Variants in CMIP observed in about 807,000 individuals in gnomAD.
The protein encoded by CMIP is C-Maf-inducing protein.
A neutral mutation model predicts 97.3 loss-of-function variants in CMIP; 13 were observed. That is an observed-to-expected ratio of 0.13 (90% CI 0.09 to 0.21). The LOEUF is 0.21. Among genes scored for constraint, CMIP ranks in the 10% least tolerant of loss-of-function variants. The probability of loss-of-function intolerance (pLI) is 1.00; values close to 1 mark genes in which losing one functional copy is unlikely to be tolerated. For missense variants in CMIP, 847 were observed against 1,024.9 expected (o/e 0.83, Z 2.37); for synonymous variants, 538 against 436.3 (o/e 1.23, Z -2.91).
At chr16:81,539,218 C>T (rs546442436) in intron 1 of CMIP, among the ~76,000 whole-genome samples, 17 of 152,148 alleles carry the variant, frequency 1.1e-4, no homozygotes, top group African/African-American at 2.9e-4. Context: ...TTTTCCAGGC[C>T]GGCATCTCAA....
intron 7 of CMIP, among the ~76,000 whole-genome samples, chr16:81,669,623 C>G (rs867735825): frequency 1.4e-5 from 2 of 147,614 alleles, no homozygotes; most frequent in Middle Eastern, 3.5e-3. Context: ...CCGCACCAAC[C>G]TCTCACCTCC....
rs116533172 is a variant in CMIP at position 81,599,323 on chromosome 16, C to T, written c.301-8244C>T. ...TTTCTTCTGGGACCAAGGCCCAAAC[C>T]GGCCCTTCTAGGATCATATCGTTAC... On this transcript the variant is annotated intron_variant, in intron 1 of 20. Coordinates refer to ENST00000537098, the MANE Select transcript of CMIP (RefSeq NM_198390.3). 9.9e-3 allele frequency among the ~76,000 whole-genome samples: 1,514 copies of T among 152,282 alleles called. 29 individuals carry two copies. Among genetic ancestry groups the T allele is most frequent in the African/African-American group, 0.034 (1,417 of 41,556 alleles).
chr16:81,544,135 C>T (rs942983280), intron 1 of CMIP, among the ~76,000 whole-genome samples: 8 of 152,334 alleles, frequency 5.3e-5, no homozygotes, highest in Non-Finnish European at 1.0e-4. Flanking sequence ...CAGGGGTCCC[C>T]CCGCCCCAAT....
intron 1 of CMIP, among the ~76,000 whole-genome samples, chr16:81,534,305 G>GGTT (rs1361300014): frequency 6.6e-6 from 1 of 152,132 alleles, no homozygotes; most frequent in Non-Finnish European, 1.5e-5. Flanking sequence ...TCATTTTATG[G>GGTT]GTTTGTTGAC....
intron 1 of CMIP, among the ~76,000 whole-genome samples, chr16:81,577,771 CCATCACCATCATCACCATCACCTTCAT>C (rs1477924856): frequency 2.0e-4 from 28 of 143,548 alleles, no homozygotes; most frequent in African/African-American, 5.7e-4. Context: ...ATCACTATCA[CCATCACCATCATCACCATCACCTTCAT>C]CATCACCGTC....
intron 1 of CMIP, among the ~76,000 whole-genome samples, chr16:81,470,896 T>A (rs1346817570): frequency 6.6e-6 from 1 of 152,250 alleles, no homozygotes; most frequent in East Asian, 1.9e-4. Context: ...AAGAAATCCT[T>A]TCTTGGGAAA....
intron 1 of CMIP, among the ~76,000 whole-genome samples, chr16:81,578,291 A>C (rs914373563): frequency 2.6e-5 from 4 of 152,238 alleles, no homozygotes; most frequent in African/African-American, 9.6e-5. Flanking sequence ...CACCATCGTC[A>C]TCATTTAACT....
intron 14 of CMIP, among the ~76,000 whole-genome samples, chr16:81,699,137 T>C (rs368106420): frequency 1.3e-5 from 2 of 152,156 alleles, no homozygotes; most frequent in East Asian, 3.9e-4. Flanking sequence ...CCTGTAATCC[T>C]AGCTTACTAG....
At chr16:81,613,135 T>C (rs778508086) in intron 2 of CMIP, among the ~76,000 whole-genome samples, 1 of 152,250 alleles carries the variant, frequency 6.6e-6, no homozygotes, top group Non-Finnish European at 1.5e-5. Flanking sequence ...AGTCCGGCCT[T>C]GTCCCAACCT....
At position 81,711,650 on chromosome 16, in the gene CMIP, C is replaced by T. The variant is rs1908792289; in HGVS notation, c.*1851C>T. 1 of 152,144 alleles carries T rather than the reference C, an allele frequency of 6.6e-6. No homozygotes were observed. The highest frequency in any genetic ancestry group is 1.5e-5 in the Non-Finnish European group (1 of 67,908). The allele number at this position is 152,144 out of a possible 1,614,324, so 9.4% of individuals were successfully genotyped here. A position where few individuals can be genotyped will look rare whatever the true frequency, so the allele number is the denominator to read the frequency against. Reference sequence around the variant, plus strand: ...AAAAAAGAAGAAACAAGACATGCCACCTTTCCCCTCGCACTGTTGCTTTTC... The same window carrying T: ...AAAAAAGAAGAAACAAGACATGCCATCTTTCCCCTCGCACTGTTGCTTTTC... On this transcript the variant is annotated 3_prime_UTR_variant, in exon 21 of 21. Coordinates refer to ENST00000537098, the MANE Select transcript of CMIP (RefSeq NM_198390.3).
chr16:81,594,354 G>C (rs888726694), intron 1 of CMIP, among the ~76,000 whole-genome samples: 1 of 151,414 alleles, frequency 6.6e-6, no homozygotes, highest in Non-Finnish European at 1.5e-5. Context: ...TAAGAGCTCA[G>C]AGCCATCCAC....
rs1351805079 is a variant in CMIP at position 81,670,124 on chromosome 16, C to T, written c.826-18C>T. ...TGCCTAGCACCGTCCCGACTCCTGT[C>T]CTCTGCTGTCTCCACAGGACTTTGG... is the stretch of plus-strand genomic sequence containing the variant. On this transcript the variant is annotated intron_variant, in intron 7 of 20. Transcript: ENST00000537098. 2.5e-6 allele frequency: 4 copies of T among 1,598,420 alleles called. No individual in the cohort carries two copies. Among genetic ancestry groups the T allele is most frequent in the East Asian group, 2.3e-5 (1 of 44,128 alleles).
intron 1 of CMIP, among the ~76,000 whole-genome samples, chr16:81,541,612 C>T (rs992727524): frequency 7.2e-5 from 11 of 152,228 alleles, no homozygotes; most frequent in East Asian, 1.9e-4. Flanking sequence ...GAAATATGAG[C>T]GTGAAGAGAG....
intron 7 of CMIP, chr16:81,664,807 C>A: frequency 2.5e-5 from 7 of 280,306 alleles, no homozygotes; most frequent in Admixed American, 5.2e-5. Context: ...TCAACATCGA[C>A]AACAACAAGC....
chr16:81,539,837 A>T (rs2090415725), intron 1 of CMIP, among the ~76,000 whole-genome samples: 1 of 152,208 alleles, frequency 6.6e-6, no homozygotes, highest in Non-Finnish European at 1.5e-5. Flanking sequence ...TTATGAATGC[A>T]CAGTTCATAG....
chr16:81,610,580 C>T, intron 2 of CMIP: 7 of 975,372 alleles, frequency 7.2e-6, no homozygotes, highest in Non-Finnish European at 8.5e-6. Context: ...TGGTTCTCTC[C>T]CTGGCTGCCA....
intron 1 of CMIP, among the ~76,000 whole-genome samples, chr16:81,477,828 T>C (rs1428136662): frequency 6.6e-6 from 1 of 152,234 alleles, no homozygotes; most frequent in Non-Finnish European, 1.5e-5. Context: ...TTGCCTGCCT[T>C]CCAGTTAGTG....
At chr16:81,702,078 G>A (rs1056049883) in intron 16 of CMIP, among the ~76,000 whole-genome samples, 3 of 152,146 alleles carry the variant, frequency 2.0e-5, no homozygotes, top group African/African-American at 7.2e-5. Flanking sequence ...GTACATGGGG[G>A]ACCCAACTTC....
intron 1 of CMIP, among the ~76,000 whole-genome samples, chr16:81,524,322 T>C (rs539635723): frequency 1.3e-5 from 2 of 152,362 alleles, no homozygotes; most frequent in East Asian, 1.9e-4. Context: ...TCTGTCCCAC[T>C]GGAGCTTAGA....
Sources: gnomAD v4.1 joint callset for allele counts (sites outside exome capture counted in the v4.1 genomes callset) on GRCh38, gnomAD v4.1.1 for gene constraint, MANE v1.5 for transcripts, NCBI Gene and HGNC (gene_info 2026-07-23, HGNC 2026-07-21) for gene names.